VTA1: variants seen among roughly 807,000 people sequenced by gnomAD.
VTA1 encodes vacuolar protein sorting-associated protein VTA1 homolog.
In VTA1, 24 loss-of-function variants were observed where a neutral mutation model predicts 36.9. The ratio of observed to expected loss-of-function variants is 0.65; its 90% CI spans 0.47 to 0.91. The LOEUF is 0.91. Among genes scored for constraint, VTA1 ranks in the 40% least tolerant of loss-of-function variants. The probability of loss-of-function intolerance (pLI) is 0.00; values close to 1 mark genes in which losing one functional copy is unlikely to be tolerated. For missense variants in VTA1, 393 were observed against 377.2 expected, an observed-to-expected ratio of 1.04 and a Z score of -0.35; for synonymous variants, 142 against 130.2, an observed-to-expected ratio of 1.09 and a Z score of -0.62.
chr6:142,215,338 G>A (rs2114690031), intron 7 of VTA1, among the ~76,000 whole-genome samples: 1 of 152,158 alleles, frequency 6.6e-6, no homozygotes, highest in East Asian at 1.9e-4. Context: ...CTACTTGGGA[G>A]GCTGAGGCAG....
intron 1 of VTA1, among the ~76,000 whole-genome samples, chr6:142,163,866 A>G (rs1053885505): frequency 1.3e-5 from 2 of 152,188 alleles, no homozygotes; most frequent in Non-Finnish European, 2.9e-5. Context: ...TATGAATTAC[A>G]TTTACATATT....
At chr6:142,193,398 G>A (rs1323617761) in intron 5 of VTA1, among the ~76,000 whole-genome samples, 1 of 152,026 alleles carries the variant, frequency 6.6e-6, no homozygotes, top group African/African-American at 2.4e-5. Flanking sequence ...AGTAATTTGT[G>A]GAAGATACTT....
In VTA1 at chr6:142,198,096, C is replaced by A. The variant is rs1231396645; in HGVS notation, c.521-343C>A. Among the ~76,000 whole-genome samples, 313 of 100,266 alleles carry A rather than the reference C, an allele frequency of 3.1e-3. 2 individuals carry two copies. The highest frequency in any genetic ancestry group is 0.012 in the African/African-American group (298 of 25,242). The allele number at this position is 100,266 out of a possible 152,430, so 65.8% of individuals were successfully genotyped here. Reference sequence around the variant, plus strand: ...TGGGCAGCAGAGTGAGACTCCGTCTCAAAAAAAAATATATATATATATATG... The same window carrying A: ...TGGGCAGCAGAGTGAGACTCCGTCTAAAAAAAAAATATATATATATATATG... On this transcript the variant is annotated intron_variant, in intron 5 of 7. Transcript: ENST00000367630.
rs1197333612 is a variant in VTA1, at chr6:142,198,131, G to A, written c.521-308G>A. Among the ~76,000 whole-genome samples, 1,007 of 138,538 alleles carry A rather than the reference G, an allele frequency of 7.3e-3. 16 individuals carry two copies. Among genetic ancestry groups the A allele is most frequent in the African/African-American group, 0.027 (966 of 35,600 alleles). The allele number at this position is 138,538 out of a possible 152,430, so 90.9% of individuals were successfully genotyped here. On this transcript the variant is annotated intron_variant, in intron 5 of 7. Transcript: ENST00000367630. Reference sequence around the variant, plus strand: ...TATATATATATATATGTGTGTGTGTGTGTGTGTGTGTGTGTGTGTGTGTGT... The same window carrying A: ...TATATATATATATATGTGTGTGTGTATGTGTGTGTGTGTGTGTGTGTGTGT...
intron 4 of VTA1, among the ~76,000 whole-genome samples, chr6:142,174,239 T>C (rs986889507): frequency 1.3e-5 from 2 of 152,172 alleles, no homozygotes; most frequent in African/African-American, 4.8e-5. Context: ...TGCAAAGCCA[T>C]AGGGGCAGAG....
intron 4 of VTA1, among the ~76,000 whole-genome samples, chr6:142,184,423 T>C (rs1356736748): frequency 6.6e-6 from 1 of 152,220 alleles, no homozygotes; most frequent in Admixed American, 6.5e-5. Flanking sequence ...AAGACACGTG[T>C]CACATTTAGG....
chr6:142,204,562 G>GT (rs986838794), intron 7 of VTA1, among the ~76,000 whole-genome samples: 8 of 151,986 alleles, frequency 5.3e-5, no homozygotes, highest in South Asian at 2.1e-4. Flanking sequence ...TGATTTCTCT[G>GT]TTTTTTTAGC....
rs1223371252 is a variant in VTA1, at chr6:142,223,445, A to G, written c.*4802A>G. 3 of 152,228 alleles carry G rather than the reference A, an allele frequency of 2.0e-5. No homozygotes were observed. Among genetic ancestry groups the G allele is most frequent in the Non-Finnish European group, 4.4e-5 (3 of 68,046 alleles). The allele number at this position is 152,228 out of a possible 1,614,324, so 9.4% of individuals were successfully genotyped here. A position where few individuals can be genotyped will look rare whatever the true frequency, so the allele number is the denominator to read the frequency against. On this transcript the variant is annotated 3_prime_UTR_variant, in exon 8 of 8. Coordinates refer to ENST00000367630, the MANE Select transcript of VTA1 (RefSeq NM_016485.5). ...TAAAAATTCTTCATCTTCAGGAAAT[A>G]AGATTGAGATACGGACTGAAAATAT... is the stretch of plus-strand genomic sequence containing the variant.
intron 7 of VTA1, among the ~76,000 whole-genome samples, chr6:142,208,085 CAAA>C (rs567010868): frequency 0.42 from 41,113 of 98,726 alleles, 7,545 homozygotes; most frequent in Non-Finnish European, 0.52. Context: ...AGACTTCCAT[CAAA>C]AAAAAAAAAA....
Position 142,148,583 on chromosome 6 carries a change from A to C in VTA1, c.112+1184A>C, listed in dbSNP as rs550887868. On this transcript the variant is annotated intron_variant, in intron 1 of 7. Coordinates refer to ENST00000367630, the MANE Select transcript of VTA1 (RefSeq NM_016485.5). ...AAGCATTAGTAGGCGCTGTGACTAC[A>C]TTTGCTGCATTTTTGGAGCTTACAT... 3.5e-3 allele frequency among the ~76,000 whole-genome samples: 535 copies of C among 152,330 alleles called. 2 individuals are homozygous for C. The highest frequency in any genetic ancestry group is 0.012 in the African/African-American group (519 of 41,580).
chr6:142,183,213 G>T (rs1238652770), intron 4 of VTA1, among the ~76,000 whole-genome samples: 4 of 152,186 alleles, frequency 2.6e-5, no homozygotes, highest in Admixed American at 1.3e-4. Context: ...CTGTTGCAGT[G>T]ACTGGTGGAG....
At position 142,173,423 on chromosome 6, in the gene VTA1, A is replaced by G. The variant is rs573023504; in HGVS notation, c.411+3002A>G. On this transcript the variant is annotated intron_variant, in intron 4 of 7. Transcript: ENST00000367630. ...TGCTCTGGGCCTACAGGCGTGCGCC[A>G]CCATGCCTGGCTAATTTTTTGTATT... 1.4e-3 allele frequency among the ~76,000 whole-genome samples: 208 copies of G among 152,330 alleles called. 2 individuals are homozygous for G. The highest frequency in any genetic ancestry group is 2.0e-3 in the Non-Finnish European group (137 of 68,022).
At chr6:142,208,065 G>A (rs1165477066) in intron 7 of VTA1, among the ~76,000 whole-genome samples, 2 of 143,924 alleles carry the variant, frequency 1.4e-5, no homozygotes, top group East Asian at 4.0e-4. Flanking sequence ...CTCCAGCCTG[G>A]GTGACAGTGA....
chr6:142,158,519 T>C (rs1271870712), intron 1 of VTA1, among the ~76,000 whole-genome samples: 1 of 152,188 alleles, frequency 6.6e-6, no homozygotes, highest in East Asian at 1.9e-4. Context: ...TATCAAGTTA[T>C]TATTATTCCA....
At chr6:142,154,082 A>G (rs938473558) in intron 1 of VTA1, among the ~76,000 whole-genome samples, 2 of 152,138 alleles carry the variant, frequency 1.3e-5, no homozygotes, top group African/African-American at 4.8e-5. Flanking sequence ...TCCTGTACCC[A>G]TTACCATAGT....
rs944787588 is a variant in VTA1, at chr6:142,220,834, T to A, written c.*2191T>A. On this transcript the variant is annotated 3_prime_UTR_variant, in exon 8 of 8. Transcript: ENST00000367630. Reference sequence around the variant, plus strand: ...CCATATATATTTACTGAATGGCTACTATATGCCTGGTATTGTTCTTTGAAA... The same window carrying A: ...CCATATATATTTACTGAATGGCTACAATATGCCTGGTATTGTTCTTTGAAA... 2.6e-5 allele frequency: 4 copies of A among 152,076 alleles called. No homozygotes were observed. The highest frequency in any genetic ancestry group is 9.7e-5 in the African/African-American group (4 of 41,406). The allele number at this position is 152,076 out of a possible 1,614,324, so 9.4% of individuals were successfully genotyped here.
chr6:142,194,071 T>G (rs1775500916), intron 5 of VTA1, among the ~76,000 whole-genome samples: 2 of 152,072 alleles, frequency 1.3e-5, no homozygotes, highest in Non-Finnish European at 1.5e-5. Context: ...TCCAGTGATA[T>G]GGGGCATGTC....
chr6:142,161,756 G>C (rs941389273), intron 1 of VTA1, among the ~76,000 whole-genome samples: 1 of 152,072 alleles, frequency 6.6e-6, no homozygotes, highest in Admixed American at 6.6e-5. Flanking sequence ...GCTTGTCTCA[G>C]AGTTCTTTAT....
intron 5 of VTA1, among the ~76,000 whole-genome samples, chr6:142,194,364 G>T (rs1775506908): frequency 6.6e-6 from 1 of 152,070 alleles, no homozygotes; most frequent in South Asian, 2.1e-4. Context: ...AACTTAGGGA[G>T]AATTAATTGT....
Sources: allele counts gnomAD v4.1 joint callset (sites outside exome capture counted in the v4.1 genomes callset), GRCh38; gene constraint gnomAD v4.1.1; transcripts MANE v1.5; gene names NCBI Gene and HGNC (gene_info 2026-07-23, HGNC 2026-07-21).